FIGN: variants seen among roughly 807,000 people sequenced by gnomAD.
FIGN encodes fidgetin, microtubule severing factor, also known as fidgetin.
A neutral mutation model predicts 51.3 loss-of-function variants in FIGN; 11 were observed. The observed-to-expected ratio is 0.21, with a 90% confidence interval of 0.13 to 0.35. The LOEUF (loss-of-function observed/expected upper bound fraction) is 0.35, where lower values mean the gene tolerates loss of function less well. Among genes scored for constraint, FIGN ranks in the 10% least tolerant of loss-of-function variants. FIGN has a pLI of 1.00. For missense variants in FIGN, 857 were observed against 943.6 expected (o/e 0.91, Z 1.20); for synonymous variants, 407 against 363.2 (o/e 1.12, Z -1.37).
At chr2:163,668,595 T>A (rs1379193774) in intron 2 of FIGN, among the ~76,000 whole-genome samples, 1 of 152,142 alleles carries the variant, frequency 6.6e-6, no homozygotes, top group African/African-American at 2.4e-5. Flanking sequence ...TAAAACACAT[T>A]TTCCCCCTCT....
intron 2 of FIGN, among the ~76,000 whole-genome samples, chr2:163,689,173 A>AACACAAACACACAC (rs1684199613): frequency 6.9e-6 from 1 of 144,656 alleles, no homozygotes; most frequent in African/African-American, 2.6e-5. Context: ...AACAAAAATG[A>AACACAAACACACAC]ACACACACAC....
intron 2 of FIGN, among the ~76,000 whole-genome samples, chr2:163,640,745 A>C (rs999444898): frequency 3.9e-5 from 6 of 152,208 alleles, no homozygotes; most frequent in Non-Finnish European, 7.3e-5. Context: ...GTTACTAAAT[A>C]TACCTGGGCA....
intron 2 of FIGN, among the ~76,000 whole-genome samples, chr2:163,705,609 T>C (rs1684487184): frequency 6.6e-6 from 1 of 151,870 alleles, no homozygotes; most frequent in Non-Finnish European, 1.5e-5. Flanking sequence ...GAGTACTATG[T>C]AAACTCTATT....
intron 2 of FIGN, among the ~76,000 whole-genome samples, chr2:163,722,614 ATTTATGT>A (rs1467150501): frequency 1.3e-5 from 2 of 152,186 alleles, no homozygotes; most frequent in African/African-American, 4.8e-5. Flanking sequence ...TAGTCTATAG[ATTTATGT>A]TTTATAAGAT....
intron 2 of FIGN, among the ~76,000 whole-genome samples, chr2:163,618,372 C>T (rs543407336): frequency 6.6e-6 from 1 of 152,040 alleles, no homozygotes; most frequent in South Asian, 2.1e-4. Context: ...CATTTTGCAG[C>T]AGCCTTCTCA....
intron 2 of FIGN, among the ~76,000 whole-genome samples, chr2:163,725,615 A>C (rs1455949325): frequency 6.6e-6 from 1 of 152,078 alleles, no homozygotes; most frequent in African/African-American, 2.4e-5. Context: ...AACCTATATT[A>C]TATGTTGTAC....
chr2:163,640,570 G>T (rs529682142), intron 2 of FIGN, among the ~76,000 whole-genome samples: 1 of 151,898 alleles, frequency 6.6e-6, no homozygotes, highest in Non-Finnish European at 1.5e-5. Context: ...CTTAAAAAGC[G>T]ATTTGATTCA....
chr2:163,709,085 T>G (rs1002954620), intron 2 of FIGN, among the ~76,000 whole-genome samples: 16 of 152,144 alleles, frequency 1.1e-4, no homozygotes, highest in Non-Finnish European at 2.1e-4. Flanking sequence ...GATGCCATAA[T>G]GAGGACTCAG....
intron 2 of FIGN, among the ~76,000 whole-genome samples, chr2:163,660,190 C>A (rs959682617): frequency 1.3e-5 from 2 of 152,208 alleles, no homozygotes; most frequent in Non-Finnish European, 2.9e-5. Flanking sequence ...GAAATCAACT[C>A]CCTCTTAAGA....
In FIGN at chr2:163,623,570, T is replaced by C. The variant is rs561486666; in HGVS notation, c.26-11764A>G. 3.9e-5 allele frequency among the ~76,000 whole-genome samples: 6 copies of C among 152,298 alleles called. No individual in the cohort carries two copies. The East Asian group carries it at 1.2e-3, about 29-fold the overall frequency. ...CTCCTTTTAAAATAGAATAGACAATTAATAGAATTAATGGTGAGTCATAGG... is the reference window on the plus strand; with the variant it reads ...CTCCTTTTAAAATAGAATAGACAATCAATAGAATTAATGGTGAGTCATAGG... On this transcript the variant is annotated intron_variant, in intron 2 of 2. Coordinates refer to ENST00000333129, the MANE Select transcript of FIGN (RefSeq NM_018086.4).
intron 2 of FIGN, among the ~76,000 whole-genome samples, chr2:163,666,551 C>A (rs1028795838): frequency 6.6e-6 from 1 of 152,130 alleles, no homozygotes; most frequent in Non-Finnish European, 1.5e-5. Context: ...ACAAACCAAA[C>A]TCTCTGGACC....
At position 163,609,639 on chromosome 2, in the gene FIGN, A is replaced by T. The variant is rs751041716; in HGVS notation, c.2193T>A (p.Asn731Lys). The T allele has an allele frequency of 5.6e-6, 9 of 1,613,954 alleles. No homozygotes were observed. The Admixed American group carries it at 1.5e-4, about 27-fold the overall frequency. ...TGCTAGGCTGAATCTTGCAGAAAGC[A>T]TTTTCAAAGTCTTGATATGTAACGG... is the stretch of plus-strand genomic sequence containing the variant. ...LRPVTYQDFENAFCKIQPSIS... is the reference protein window; with the variant it reads ...LRPVTYQDFEKAFCKIQPSIS... The change falls in exon 3 of 3, where the codon AAT becomes AAA. Residue 731 changes from asparagine to lysine, a missense_variant. Coordinates refer to ENST00000333129, the MANE Select transcript of FIGN (RefSeq NM_018086.4).
chr2:163,648,859 A>C (rs1434723776), intron 2 of FIGN, among the ~76,000 whole-genome samples: 2 of 152,192 alleles, frequency 1.3e-5, no homozygotes. Context: ...TATGAAGAGG[A>C]TGTAAGAAGA....
chr2:163,612,691 A>ACTGT, intron 2 of FIGN: 1 of 678,196 alleles, frequency 1.5e-6, no homozygotes, highest in Non-Finnish European at 1.7e-6. Flanking sequence ...AAGAGGGGAG[A>ACTGT]ATGTGTGTGT....
At chr2:163,648,390 T>C (rs1683416332) in intron 2 of FIGN, among the ~76,000 whole-genome samples, 1 of 151,942 alleles carries the variant, frequency 6.6e-6, no homozygotes, top group Non-Finnish European at 1.5e-5. Flanking sequence ...GTTGAAAGAG[T>C]CTCTTTTTAA....
chr2:163,701,778 A>G (rs1684411620), intron 2 of FIGN, among the ~76,000 whole-genome samples: 1 of 152,150 alleles, frequency 6.6e-6, no homozygotes, highest in African/African-American at 2.4e-5. Context: ...AAGATTTCTT[A>G]CCAGTCGAGT....
chr2:163,651,087 T>G (rs1683466707), intron 2 of FIGN, among the ~76,000 whole-genome samples: 1 of 152,216 alleles, frequency 6.6e-6, no homozygotes. Context: ...CTGCACATAC[T>G]AAAGACTTAA....
Position 163,611,588 on chromosome 2 carries a change from G to T in FIGN, c.244C>A (p.Pro82Thr). The T allele has an allele frequency of 6.2e-7, 1 of 1,614,200 alleles. No homozygotes were observed. Among genetic ancestry groups the T allele is most frequent in the African/African-American group, 1.3e-5 (1 of 75,072 alleles). ...AEKYSGILEG[P>T]VDRPVLSNYS... ...TTGCTGAGTACGGGTCGGTCCACAG[G>T]ACCTTCCAAAATGCCGGAATACTTC... The change falls in exon 3 of 3, where the codon CCT (proline) becomes ACT (threonine). Residue 82 changes from proline (P) to threonine (T), a missense_variant. Physicochemically the swap from Pro to Thr is conservative, Grantham distance 38. Around this residue, in one of 3 missense-constraint regions of FIGN, gnomAD observed 799 missense variants for 849.5 expected, o/e 0.94. Coordinates refer to ENST00000333129, the MANE Select transcript of FIGN (RefSeq NM_018086.4).
chr2:163,655,344 G>C lies in FIGN; in HGVS notation c.26-43538C>G, dbSNP rs531527702. 1.6e-4 allele frequency among the ~76,000 whole-genome samples: 24 copies of C among 152,214 alleles called. No homozygotes were observed. In the South Asian group the frequency reaches 3.5e-3, roughly 22 times the overall value. ...CTTCAAGGACCTCAGAGTCCAATGGGACAAGATCACAAATAATTCTCAAAC... is the reference window on the plus strand; with the variant it reads ...CTTCAAGGACCTCAGAGTCCAATGGCACAAGATCACAAATAATTCTCAAAC... On this transcript the variant is annotated intron_variant, in intron 2 of 2. Transcript: ENST00000333129.
Sources: allele counts gnomAD v4.1 joint callset (sites outside exome capture counted in the v4.1 genomes callset), GRCh38; gene constraint gnomAD v4.1.1; regional missense constraint gnomAD v4.1.1; transcripts MANE v1.5; gene names NCBI Gene and HGNC (gene_info 2026-07-23, HGNC 2026-07-21).